Variants in GBE1 observed in about 807,000 individuals in gnomAD.
GBE1 encodes 1,4-alpha-glucan-branching enzyme.
GBE1 carries 70 observed loss-of-function variants against 88.8 expected under a neutral mutation model. That is an observed-to-expected ratio of 0.79 (90% CI 0.65 to 0.96). The LOEUF (loss-of-function observed/expected upper bound fraction) is 0.96. GBE1 is among the 40% of genes least tolerant of loss of function. The probability of loss-of-function intolerance (pLI) is 0.00; values close to 1 mark genes in which losing one functional copy is unlikely to be tolerated. For synonymous variants in GBE1, 284 were observed against 300.1 expected (o/e 0.95, Z 0.56); for missense variants, 872 against 871.0 (o/e 1.00, Z -0.01).
At chr3:81,721,216 TA>T (rs1239702309) in intron 1 of GBE1, among the ~76,000 whole-genome samples, 6 of 52,148 alleles carry the variant, frequency 1.2e-4, no homozygotes, top group East Asian at 1.5e-3. Flanking sequence ...AATAAATAAA[TA>T]AATAAATAAA....
chr3:81,553,214 G>A (rs1010950948), intron 12 of GBE1, among the ~76,000 whole-genome samples: 4 of 152,126 alleles, frequency 2.6e-5, no homozygotes, highest in African/African-American at 9.7e-5. Flanking sequence ...CCTTGCATAT[G>A]CTGCTACTAT....
intron 14 of GBE1, among the ~76,000 whole-genome samples, chr3:81,501,686 C>CATTTTTTT (rs1702588131): frequency 1.4e-5 from 1 of 71,994 alleles, no homozygotes; most frequent in Non-Finnish European, 2.4e-5. Flanking sequence ...CTTAGGGGCA[C>CATTTTTTT]TTTTTTTTTT....
chr3:81,537,221 T>G, intron 12 of GBE1, 126 bp from the exon 13 acceptor site: 1 of 629,118 alleles, frequency 1.6e-6, no homozygotes, highest in East Asian at 3.4e-5. Context: ...ACTAGACCTG[T>G]GTCCTGTGAA....
intron 3 of GBE1, among the ~76,000 whole-genome samples, chr3:81,653,630 C>A (rs1559677067): frequency 6.6e-6 from 1 of 152,078 alleles, no homozygotes; most frequent in Non-Finnish European, 1.5e-5. Context: ...CTTCTATTAG[C>A]AAACACAGAG....
chr3:81,688,768 AATGT>A (rs1288491632), intron 2 of GBE1, among the ~76,000 whole-genome samples: 1 of 151,760 alleles, frequency 6.6e-6, no homozygotes, highest in Non-Finnish European at 1.5e-5. Context: ...GAATGACATG[AATGT>A]ATTTACTTGT....
At chr3:81,671,946 A>T (rs748629742) in intron 2 of GBE1, among the ~76,000 whole-genome samples, 1 of 152,034 alleles carries the variant, frequency 6.6e-6, no homozygotes, top group Non-Finnish European at 1.5e-5. Context: ...CATGAAGAAC[A>T]TTGTAAGTCA....
chr3:81,754,459 A>C (rs1243629549), intron 1 of GBE1, among the ~76,000 whole-genome samples: 3 of 151,766 alleles, frequency 2.0e-5, no homozygotes, highest in African/African-American at 7.3e-5. Flanking sequence ...ATAAAAATAA[A>C]TCCTAAAGTT....
intron 7 of GBE1, among the ~76,000 whole-genome samples, chr3:81,595,842 A>C (rs1703949503): frequency 6.6e-6 from 1 of 152,038 alleles, no homozygotes; most frequent in Non-Finnish European, 1.5e-5. Flanking sequence ...CTATGTTAGT[A>C]GACAGATTCT....
chr3:81,586,895 T>C (rs1341454053), intron 9 of GBE1, among the ~76,000 whole-genome samples: 1 of 151,968 alleles, frequency 6.6e-6, no homozygotes, highest in Non-Finnish European at 1.5e-5. Context: ...TTCAAGCAAT[T>C]CTCCTGCCTC....
At position 81,648,872 on chromosome 3, in the gene GBE1, T is replaced by C. The variant is rs752095336; in HGVS notation, c.675A>G (p.Pro225=). The part of the protein sequence containing the change: ...SYKHFTCNVL[P]RIKGLGYNCI... ...ATTACTTACCAAGGCCTTTGATTCTTGGTAGTACATTGCATGTAAAATGTT... is the reference window on the plus strand; with the variant it reads ...ATTACTTACCAAGGCCTTTGATTCTCGGTAGTACATTGCATGTAAAATGTT... The change falls in exon 5 of 16, where the codon CCA becomes CCG. Residue 225 remains proline (P), a synonymous_variant. Coordinates refer to ENST00000429644, the MANE Select transcript of GBE1 (RefSeq NM_000158.4). 1.9e-5 allele frequency: 29 copies of C among 1,558,428 alleles called. No homozygotes were observed. The highest frequency in any genetic ancestry group is 2.3e-5 in the Non-Finnish European group (27 of 1,151,108).
chr3:81,490,568 T>G (rs1453693933), intron 15 of GBE1, 105 bp from the exon 16 acceptor site: 11 of 888,940 alleles, frequency 1.2e-5, no homozygotes, highest in Non-Finnish European at 2.0e-5. Flanking sequence ...TGCCTAAAGT[T>G]ACAGTTACCT....
At chr3:81,548,116 T>C (rs1390570906) in intron 12 of GBE1, among the ~76,000 whole-genome samples, 1 of 151,506 alleles carries the variant, frequency 6.6e-6, no homozygotes, top group East Asian at 1.9e-4. Context: ...TGCCATTTTT[T>C]AATTCTCTTC....
chr3:81,733,380 A>G lies in GBE1; in HGVS notation c.144-27767T>C, dbSNP rs1706214406. ...TATAATTATTTCATTATATATTACAATGTAATAAAATAGAAATAAAGTGCA... is the reference window on the plus strand; with the variant it reads ...TATAATTATTTCATTATATATTACAGTGTAATAAAATAGAAATAAAGTGCA... On this transcript the variant is annotated intron_variant, in intron 1 of 15. Transcript: ENST00000429644. The surrounding 1 kb of genome is among the most constrained non-coding windows in gnomAD (Gnocchi z 4.0). Among the ~76,000 whole-genome samples the G allele has an allele frequency of 6.6e-6, 1 of 152,120 alleles. No homozygotes were observed.
At chr3:81,556,937 TTTTTG>T (rs1355305087) in intron 12 of GBE1, among the ~76,000 whole-genome samples, 2 of 148,990 alleles carry the variant, frequency 1.3e-5, no homozygotes, top group African/African-American at 5.1e-5. Context: ...GCTGTGTAAC[TTTTTG>T]TTTATCGAAC....
At chr3:81,562,215 A>G (rs1014403946) in intron 12 of GBE1, among the ~76,000 whole-genome samples, 6 of 152,078 alleles carry the variant, frequency 3.9e-5, no homozygotes, top group Admixed American at 3.9e-4. Context: ...AACAAAGAGG[A>G]CCATTAAGTA....
intron 9 of GBE1, among the ~76,000 whole-genome samples, chr3:81,588,373 T>G (rs1703828789): frequency 6.6e-6 from 1 of 152,106 alleles, no homozygotes; most frequent in Admixed American, 6.6e-5. Flanking sequence ...CAATGCCTTC[T>G]GAAAAGAGTT....
At chr3:81,651,888 G>A (rs911316636) in intron 3 of GBE1, among the ~76,000 whole-genome samples, 1 of 152,156 alleles carries the variant, frequency 6.6e-6, no homozygotes, top group East Asian at 1.9e-4. Context: ...ACATCCTTTG[G>A]AACACTAATC....
chr3:81,741,646 G>A (rs1706349936), intron 1 of GBE1, among the ~76,000 whole-genome samples: 2 of 151,492 alleles, frequency 1.3e-5, no homozygotes, highest in South Asian at 2.1e-4. Flanking sequence ...ACTAATACAA[G>A]GCATAATATA....
chr3:81,622,852 T>C (rs1704352073), intron 7 of GBE1, among the ~76,000 whole-genome samples: 1 of 152,122 alleles, frequency 6.6e-6, no homozygotes, highest in Non-Finnish European at 1.5e-5. Flanking sequence ...TTAAATCAGT[T>C]ATACCTTCAA....
Sources: allele counts gnomAD v4.1 joint callset (sites outside exome capture counted in the v4.1 genomes callset), GRCh38; gene constraint gnomAD v4.1.1; non-coding constraint Gnocchi (gnomAD v3.1); transcripts MANE v1.5; gene names NCBI Gene and HGNC (gene_info 2026-07-23, HGNC 2026-07-21).